CADM2: variants seen among roughly 807,000 people sequenced by gnomAD.
CADM2 encodes immunoglobulin superfamily member 4D.
A neutral mutation model predicts 49.8 loss-of-function variants in CADM2; 12 were observed. That is an observed-to-expected ratio of 0.24 (90% CI 0.15 to 0.39). The LOEUF (loss-of-function observed/expected upper bound fraction) is 0.39, where lower values mean the gene tolerates loss of function less well. Among genes scored for constraint, CADM2 ranks in the 10% least tolerant of loss-of-function variants. CADM2 has a pLI of 1.00. For synonymous variants in CADM2, 214 were observed against 175.4 expected (o/e 1.22, Z -1.74); for missense variants, 378 against 492.3 (o/e 0.77, Z 2.20).
At chr3:85,340,290 C>A (rs573748929) in intron 1 of CADM2, among the ~76,000 whole-genome samples, 1 of 151,560 alleles carries the variant, frequency 6.6e-6, no homozygotes, top group South Asian at 2.1e-4. Flanking sequence ...AAATTTAAAG[C>A]CTCTGCCATG....
At chr3:85,046,118 A>G (rs2035644340) in intron 1 of CADM2, among the ~76,000 whole-genome samples, 2 of 152,046 alleles carry the variant, frequency 1.3e-5, no homozygotes, top group African/African-American at 2.4e-5. Context: ...GAGAGGTCTA[A>G]TTATTTTTAA....
intron 1 of CADM2, among the ~76,000 whole-genome samples, chr3:85,150,135 A>C (rs139847256): frequency 6.6e-6 from 1 of 152,218 alleles, no homozygotes; most frequent in African/African-American, 2.4e-5. Flanking sequence ...TTTGAGAGTT[A>C]TATTTGAATT....
intron 5 of CADM2, among the ~76,000 whole-genome samples, chr3:85,890,920 G>A (rs1456933586): frequency 6.6e-6 from 1 of 152,090 alleles, no homozygotes; most frequent in Non-Finnish European, 1.5e-5. Context: ...GTGTGGTATA[G>A]GCATGAGAAG....
intron 1 of CADM2, among the ~76,000 whole-genome samples, chr3:85,575,658 T>G (rs1172353060): frequency 6.6e-6 from 1 of 152,232 alleles, no homozygotes; most frequent in Non-Finnish European, 1.5e-5. Flanking sequence ...GATAGGATTA[T>G]AGAACATGGC....
At chr3:85,949,993 T>C (rs542710600) in intron 7 of CADM2, among the ~76,000 whole-genome samples, 1 of 151,108 alleles carries the variant, frequency 6.6e-6, no homozygotes, top group South Asian at 2.1e-4. Flanking sequence ...TGTACGCAGG[T>C]TGATAAAATG....
chr3:84,978,467 T>A (rs1229621611), intron 1 of CADM2, among the ~76,000 whole-genome samples: 1 of 152,178 alleles, frequency 6.6e-6, no homozygotes, highest in African/African-American at 2.4e-5. Flanking sequence ...ATGATTGAGT[T>A]AAGCCCTTTC....
At chr3:85,072,709 T>C (rs2036802239) in intron 1 of CADM2, among the ~76,000 whole-genome samples, 1 of 152,082 alleles carries the variant, frequency 6.6e-6, no homozygotes, top group Non-Finnish European at 1.5e-5. Context: ...CCGTCTTTTC[T>C]TTGTAAAGGA....
chr3:85,413,242 A>C (rs1329035311), intron 1 of CADM2, among the ~76,000 whole-genome samples: 1 of 151,388 alleles, frequency 6.6e-6, no homozygotes, highest in African/African-American at 2.4e-5. Context: ...TAACAATAAC[A>C]ATTCACTTTT....
At chr3:85,811,313 T>C (rs1388201834) in intron 3 of CADM2, among the ~76,000 whole-genome samples, 1 of 152,246 alleles carries the variant, frequency 6.6e-6, no homozygotes, top group African/African-American at 2.4e-5. Context: ...TTATTGGCCA[T>C]TGTTGTTTGT....
chr3:85,063,536 C>A lies in CADM2; in HGVS notation c.61+103868C>A, dbSNP rs185777869. 7.2e-4 allele frequency among the ~76,000 whole-genome samples: 110 copies of A among 151,982 alleles called. 1 individual carries two copies. Among genetic ancestry groups the A allele is most frequent in the South Asian group, 4.4e-3 (21 of 4,820 alleles). ...TTTTGAAACATCCAAGTATTTTGAT[C>A]TTAAACAGGATAAACTTATAAAATT... On this transcript the variant is annotated intron_variant, in intron 1 of 9. Transcript: ENST00000383699.
At chr3:85,352,964 A>G (rs547455657) in intron 1 of CADM2, among the ~76,000 whole-genome samples, 1 of 152,224 alleles carries the variant, frequency 6.6e-6, no homozygotes, top group East Asian at 1.9e-4. Flanking sequence ...CTTAAGTAGA[A>G]GTTTTCAAGT....
chr3:85,140,659 C>T (rs569869847), intron 1 of CADM2, among the ~76,000 whole-genome samples: 61 of 152,288 alleles, frequency 4.0e-4, no homozygotes, highest in Non-Finnish European at 7.5e-4. Flanking sequence ...GTTTTGGTGG[C>T]TTAAGAGGTT....
chr3:85,385,743 G>T (rs1576460781), intron 1 of CADM2: 1 of 140,018 alleles, frequency 7.1e-6, no homozygotes, highest in Admixed American at 7.2e-5. Flanking sequence ...AGTTTATTAT[G>T]TTTTGGACAT....
chr3:85,717,452 C>T (rs1039812517), intron 1 of CADM2, among the ~76,000 whole-genome samples: 1 of 152,138 alleles, frequency 6.6e-6, no homozygotes, highest in Non-Finnish European at 1.5e-5. Flanking sequence ...GGTAATTTGA[C>T]TTCCTCTCTT....
intron 1 of CADM2, among the ~76,000 whole-genome samples, chr3:85,148,351 T>G (rs561327402): frequency 6.6e-6 from 1 of 152,342 alleles, no homozygotes; most frequent in South Asian, 2.1e-4. Flanking sequence ...CTGCCTACAC[T>G]AGGAGTAATG....
chr3:85,267,579 T>A (rs1382648606), intron 1 of CADM2, among the ~76,000 whole-genome samples: 2 of 151,656 alleles, frequency 1.3e-5, no homozygotes, highest in Non-Finnish European at 3.0e-5. Context: ...ATTATCTTCC[T>A]TTCACAAAAT....
intron 1 of CADM2, among the ~76,000 whole-genome samples, chr3:85,691,031 T>C (rs1455039813): frequency 6.6e-6 from 1 of 152,156 alleles, no homozygotes; most frequent in Non-Finnish European, 1.5e-5. Flanking sequence ...TTCTATCTAA[T>C]TGTAACTTTA....
chr3:85,357,389 A>G (rs1425921108), intron 1 of CADM2, among the ~76,000 whole-genome samples: 1 of 152,088 alleles, frequency 6.6e-6, no homozygotes, highest in East Asian at 1.9e-4. Flanking sequence ...TCTTCCACCT[A>G]ACTTTTACCA....
intron 1 of CADM2, among the ~76,000 whole-genome samples, chr3:85,057,320 AT>A (rs1401321242): frequency 6.6e-6 from 1 of 151,462 alleles, no homozygotes; most frequent in African/African-American, 2.4e-5. Context: ...TTTTTTTGTT[AT>A]GGGATCTTCC....
Sources: allele counts gnomAD v4.1 joint callset (sites outside exome capture counted in the v4.1 genomes callset), GRCh38; gene constraint gnomAD v4.1.1; transcripts MANE v1.5; gene names NCBI Gene and HGNC (gene_info 2026-07-23, HGNC 2026-07-21).